The following SLIT3 variants were observed in gnomAD, a reference collection of about 807,000 sequenced individuals.
The protein encoded by SLIT3 is slit guidance ligand 3.
SLIT3 carries 68 observed loss-of-function variants against 184.0 expected under a neutral mutation model. The observed-to-expected ratio is 0.37, with a 90% confidence interval of 0.30 to 0.45. The LOEUF (loss-of-function observed/expected upper bound fraction) is 0.45, where lower values mean the gene tolerates loss of function less well. Ranked by LOEUF, SLIT3 falls within the 20% of genes least tolerant of loss-of-function variation. SLIT3 has a pLI of 1.00. For synonymous variants in SLIT3, 831 were observed against 828.6 expected (o/e 1.00, Z -0.05); for missense variants, 1,707 against 2,026.0 (o/e 0.84, Z 3.02).
chr5:168,928,631 A>G (rs1581219047), intron 4 of SLIT3, among the ~76,000 whole-genome samples: 1 of 152,246 alleles, frequency 6.6e-6, no homozygotes, highest in Admixed American at 6.5e-5. Flanking sequence ...AATACCAAAA[A>G]CCTTTAAAAA....
chr5:169,242,826 G>A (rs1353203002), intron 3 of SLIT3, among the ~76,000 whole-genome samples: 2 of 152,084 alleles, frequency 1.3e-5, no homozygotes, highest in African/African-American at 4.8e-5. Context: ...ACATGCATGG[G>A]TATTTCAGCC....
At chr5:169,099,434 T>C (rs913147999) in intron 4 of SLIT3, among the ~76,000 whole-genome samples, 4 of 152,154 alleles carry the variant, frequency 2.6e-5, no homozygotes, top group Non-Finnish European at 5.9e-5. Flanking sequence ...TTCCTTCCCT[T>C]CCATGTGCTA....
intron 3 of SLIT3, among the ~76,000 whole-genome samples, chr5:169,205,004 C>T (rs751736954): frequency 6.6e-6 from 1 of 151,994 alleles, no homozygotes; most frequent in South Asian, 2.1e-4. Flanking sequence ...AAGGTTAGGG[C>T]GTTTCCAGGC....
rs1286920576 is a variant in SLIT3 at position 168,666,675 on chromosome 5, C to T, written c.4351G>A (p.Gly1451Arg). 6.2e-7 allele frequency: 1 copy of T among 1,614,138 alleles called. No homozygotes were observed. Among genetic ancestry groups the T allele is most frequent in the Non-Finnish European group, 8.5e-7 (1 of 1,180,030 alleles). The part of the protein sequence containing the change: ...EHCQQENPCL[G>R]QVVREVIRRQ... ...CGGATCACCTCTCGGACTACTTGTC[C>T]CAGGCACGGATTCTCTGCAGAGGGC... is the stretch of plus-strand genomic sequence containing the variant. Residue 1451 changes from glycine (G) to arginine (R), a missense_variant, in exon 36 of 36, where the codon GGA becomes AGA. Gly to Arg is a moderately radical substitution (Grantham distance 125, BLOSUM62 -2). Transcript: ENST00000519560.
intron 4 of SLIT3, among the ~76,000 whole-genome samples, chr5:168,932,410 A>G (rs1023244765): frequency 5.3e-5 from 8 of 151,588 alleles, no homozygotes; most frequent in African/African-American, 1.9e-4. Context: ...CCCTACACAC[A>G]CACAGAGATT....
chr5:169,187,138 G>A (rs748583699), intron 4 of SLIT3, among the ~76,000 whole-genome samples: 3 of 38,574 alleles, frequency 7.8e-5, no homozygotes, highest in East Asian at 5.5e-4. Flanking sequence ...TTTTTGAGAC[G>A]GAGTCTCACT....
intron 1 of SLIT3, among the ~76,000 whole-genome samples, chr5:169,281,872 T>TC (rs201931489): frequency 0.056 from 3,990 of 71,258 alleles, 181 homozygotes; most frequent in African/African-American, 0.15. Flanking sequence ...CCAGAGGTAA[T>TC]TTTCCCCCCC....
At chr5:169,286,927 T>C (rs940780670) in intron 1 of SLIT3, among the ~76,000 whole-genome samples, 22 of 152,110 alleles carry the variant, frequency 1.4e-4, no homozygotes, top group African/African-American at 2.4e-5. Context: ...CCTGACTGAA[T>C]ATGGCTTGAA....
intron 4 of SLIT3, among the ~76,000 whole-genome samples, chr5:169,140,991 CTT>C (rs1157402125): frequency 3.3e-5 from 5 of 152,212 alleles, no homozygotes; most frequent in Non-Finnish European, 7.3e-5. Context: ...AACTAATCCT[CTT>C]GTCATATCCA....
chr5:169,207,265 A>G (rs1764102574), intron 3 of SLIT3, among the ~76,000 whole-genome samples: 1 of 152,048 alleles, frequency 6.6e-6, no homozygotes, highest in Non-Finnish European at 1.5e-5. Context: ...ACTGAGAAAT[A>G]AATGAATGGC....
chr5:168,743,000 C>T (rs1436010307), intron 20 of SLIT3, among the ~76,000 whole-genome samples: 1 of 152,138 alleles, frequency 6.6e-6, no homozygotes, highest in Non-Finnish European at 1.5e-5. Context: ...AGCGTGGTGG[C>T]ATGCGCCTGT....
intron 20 of SLIT3, among the ~76,000 whole-genome samples, chr5:168,731,632 G>T (rs1266763605): frequency 1.8e-4 from 27 of 151,976 alleles, no homozygotes; most frequent in Non-Finnish European, 1.5e-5. Flanking sequence ...TTTATTCCAG[G>T]AATGAAAGGA....
At chr5:169,217,807 C>A (rs994032086) in intron 3 of SLIT3, among the ~76,000 whole-genome samples, 1 of 152,138 alleles carries the variant, frequency 6.6e-6, no homozygotes, top group African/African-American at 2.4e-5. Flanking sequence ...AGGTCATTAA[C>A]CATGTGGTAA....
chr5:168,776,723 G>A (rs886468971), intron 12 of SLIT3, among the ~76,000 whole-genome samples: 3 of 152,100 alleles, frequency 2.0e-5, no homozygotes, highest in Non-Finnish European at 4.4e-5. Context: ...GCATTTTGGG[G>A]GCATTTGAAG....
chr5:169,261,674 T>C (rs1766182315), intron 1 of SLIT3, among the ~76,000 whole-genome samples: 1 of 152,224 alleles, frequency 6.6e-6, no homozygotes, highest in Non-Finnish European at 1.5e-5. Flanking sequence ...AAGTTCCTTT[T>C]AAGGAACTTT....
At chr5:169,256,618 TAG>T (rs1240003029) in intron 1 of SLIT3, among the ~76,000 whole-genome samples, 1 of 152,122 alleles carries the variant, frequency 6.6e-6, no homozygotes, top group East Asian at 1.9e-4. Flanking sequence ...TTTATAACAA[TAG>T]AGAGGTGGAA....
chr5:168,667,634 G>GCCATGAC (rs1761098399), intron 35 of SLIT3: 2 of 152,052 alleles, frequency 1.3e-5, no homozygotes, highest in Non-Finnish European at 2.9e-5. Flanking sequence ...GAGGAAGGGA[G>GCCATGAC]CCATGACCCT....
chr5:168,910,537 A>T (rs1413564084), intron 4 of SLIT3, among the ~76,000 whole-genome samples: 1 of 151,974 alleles, frequency 6.6e-6, no homozygotes, highest in Non-Finnish European at 1.5e-5. Context: ...AGGTCAGGAG[A>T]TGGAGACCAT....
chr5:168,871,028 C>G (rs976484114), intron 5 of SLIT3, among the ~76,000 whole-genome samples: 1 of 152,188 alleles, frequency 6.6e-6, no homozygotes, highest in African/African-American at 2.4e-5. Flanking sequence ...TCTTAGAATG[C>G]TGGAGGTCAG....
Sources: gnomAD v4.1 joint callset for allele counts (sites outside exome capture counted in the v4.1 genomes callset) on GRCh38, gnomAD v4.1.1 for gene constraint, MANE v1.5 for transcripts, NCBI Gene and HGNC (gene_info 2026-07-23, HGNC 2026-07-21) for gene names.